The following GORAB variants were observed in gnomAD, a reference collection of about 807,000 sequenced individuals.
GORAB encodes golgin, RAB6 interacting, also known as RAB6-interacting golgin.
GORAB carries 17 observed loss-of-function variants against 29.9 expected under a neutral mutation model. The observed-to-expected ratio is 0.57, with a 90% CI of 0.39 to 0.85. The LOEUF (loss-of-function observed/expected upper bound fraction) is 0.85. Ranked by LOEUF, GORAB falls within the 40% of genes least tolerant of loss-of-function variation. The probability of loss-of-function intolerance (pLI) is 0.00; values close to 1 mark genes in which losing one functional copy is unlikely to be tolerated. For synonymous variants in GORAB, 183 were observed against 157.2 expected (o/e 1.16, Z -1.23); for missense variants, 442 against 437.8 (o/e 1.01, Z -0.09).
In GORAB at chr1:170,553,538, T is replaced by A. The variant is rs1487178979; in HGVS notation, c.*1076T>A. 1 of 431,426 alleles carries A rather than the reference T, an allele frequency of 2.3e-6. No homozygotes were observed. The highest frequency in any genetic ancestry group is 4.5e-6 in the Non-Finnish European group (1 of 221,156). The allele number at this position is 431,426 out of a possible 1,614,324, so 26.7% of individuals were successfully genotyped here. ...GACTTTTTTTTTTTAAAAAAAGAAT[T>A]ATTATCAGAGAACATAAGCACAAGT... On this transcript the variant is annotated 3_prime_UTR_variant, in exon 5 of 5. Coordinates refer to ENST00000367763, the MANE Select transcript of GORAB (RefSeq NM_152281.3).
At chr1:170,539,007 GT>G in intron 1 of GORAB, 1 of 622,438 alleles carries the variant, frequency 1.6e-6, no homozygotes, top group Non-Finnish European at 2.7e-6. Context: ...GGCAGTTTCT[GT>G]TAAATATTAA....
intron 1 of GORAB, 62 bp downstream of exon 1, chr1:170,532,346 A>G: frequency 6.4e-7 from 1 of 1,572,130 alleles, no homozygotes; most frequent in Non-Finnish European, 8.7e-7. Flanking sequence ...GCGGGGATGC[A>G]GCTTTGGCGG....
chr1:170,533,674 A>C, intron 1 of GORAB: 1 of 402,918 alleles, frequency 2.5e-6, no homozygotes, highest in Non-Finnish European at 5.2e-6. Flanking sequence ...TAATATAAAA[A>C]TCTAAATTAA....
In GORAB at chr1:170,539,398, A is replaced by G. The variant is rs780562193; in HGVS notation, c.250A>G (p.Thr84Ala). 11 of 1,613,390 alleles carry G rather than the reference A, an allele frequency of 6.8e-6. No individual in the cohort carries two copies. The highest frequency in any genetic ancestry group is 5.5e-5 in the South Asian group (5 of 91,046). Reference protein sequence around the residue: ...NVQKPPFSSPTLPSHFTLTSP... With the variant: ...NVQKPPFSSPALPSHFTLTSP... ...TCAAAAACCACCTTTTTCTTCCCCTACTCTTCCGAGTCATTTCACTCTCAC... is the reference window on the plus strand; with the variant it reads ...TCAAAAACCACCTTTTTCTTCCCCTGCTCTTCCGAGTCATTTCACTCTCAC... Residue 84 changes from threonine (T) to alanine (A), a missense_variant, in exon 2 of 5, where the codon ACT (threonine) becomes GCT (alanine). Thr to Ala is a moderately conservative substitution (Grantham distance 58). Coordinates refer to ENST00000367763, the MANE Select transcript of GORAB (RefSeq NM_152281.3).
At chr1:170,532,424 A>G in intron 1 of GORAB, 140 bp downstream of exon 1, 10 of 901,066 alleles carry the variant, frequency 1.1e-5, no homozygotes, top group Non-Finnish European at 1.8e-5. Context: ...GGACTGGATT[A>G]GGGGGTTTCA....
At chr1:170,545,826 T>G in intron 4 of GORAB, 3 of 768,160 alleles carry the variant, frequency 3.9e-6, no homozygotes, top group Non-Finnish European at 4.7e-6. Flanking sequence ...TTGTAATTGT[T>G]GTTGGACCAT....
chr1:170,546,896 G>A (rs1488803995), intron 4 of GORAB, among the ~76,000 whole-genome samples: 3 of 152,058 alleles, frequency 2.0e-5, no homozygotes, highest in Non-Finnish European at 4.4e-5. Context: ...TGTTGGCCAG[G>A]CTGGTCTCCA....
intron 1 of GORAB, among the ~76,000 whole-genome samples, chr1:170,533,066 A>G (rs1187234593): frequency 6.6e-6 from 1 of 152,190 alleles, no homozygotes; most frequent in African/African-American, 2.4e-5. Flanking sequence ...GAAATTTCGC[A>G]GTGATCTGTA....
chr1:170,552,087 A>G lies in GORAB; in HGVS notation c.735A>G (p.Lys245=). The G allele has an allele frequency of 6.2e-7, 1 of 1,614,102 alleles. No homozygotes were observed. The change falls in exon 5 of 5, where the codon AAA becomes AAG. Residue 245 remains lysine (K), a synonymous_variant. Transcript: ENST00000367763. ...KLDIQRKTEI[K]EQLTEHLCTI... ...ATATACAGCGCAAGACTGAGATAAA[A>G]GAGCAACTCACTGAACACCTTTGTA...
rs1650263941 is a variant in GORAB, at chr1:170,553,536, ATTATT to A, written c.*1075_*1079del. 4.6e-6 allele frequency: 2 copies of A among 431,498 alleles called. No homozygotes were observed. Among genetic ancestry groups the A allele is most frequent in the South Asian group, 3.4e-5 (2 of 58,206 alleles). The allele number at this position is 431,498 out of a possible 1,614,324, so 26.7% of individuals were successfully genotyped here. ...AGGACTTTTTTTTTTTAAAAAAAGAATTATTATCAGAGAACATAAGCACAAGTATA... is the reference window on the plus strand; with the variant it reads ...AGGACTTTTTTTTTTTAAAAAAAGAAATCAGAGAACATAAGCACAAGTATA... On this transcript the variant is annotated 3_prime_UTR_variant, in exon 5 of 5. Transcript: ENST00000367763.
intron 3 of GORAB, among the ~76,000 whole-genome samples, chr1:170,542,837 C>G (rs1264807938): frequency 1.8e-4 from 28 of 151,784 alleles, no homozygotes; most frequent in Admixed American, 1.8e-3. Context: ...TAAAGACCTT[C>G]ATTAGTGCTC....
At position 170,532,196 on chromosome 1, in the gene GORAB, C is replaced by T. The variant is rs553663341; in HGVS notation, c.-28C>T. ...CAGTCGCGGCTGCGAGATTTGGGCA[C>T]TTTTGGGGGTGCCGGTGGCCCGGGC... On this transcript the variant is annotated 5_prime_UTR_variant, in exon 1 of 5. Transcript: ENST00000367763. 3 of 1,613,888 alleles carry T rather than the reference C, an allele frequency of 1.9e-6. No individual in the cohort carries two copies. The highest frequency in any genetic ancestry group is 1.1e-5 in the South Asian group (1 of 91,060).
intron 2 of GORAB, among the ~76,000 whole-genome samples, chr1:170,540,942 C>T (rs978907304): frequency 6.6e-6 from 1 of 152,118 alleles, no homozygotes; most frequent in African/African-American, 2.4e-5. Context: ...GTGGCCCACA[C>T]CTATAATCCC....
chr1:170,542,430 G>T, intron 2 of GORAB, 61 bp from the exon 3 acceptor site: 1 of 952,922 alleles, frequency 1.0e-6, no homozygotes, highest in Non-Finnish European at 1.7e-6. Flanking sequence ...TAAGGTGTTG[G>T]ATAGGGTAGC....
At chr1:170,538,252 T>C (rs1325659453) in intron 1 of GORAB, among the ~76,000 whole-genome samples, 1 of 152,220 alleles carries the variant, frequency 6.6e-6, no homozygotes, top group Non-Finnish European at 1.5e-5. Flanking sequence ...TCTAGAGCTT[T>C]TAACTATACT....
Position 170,553,136 on chromosome 1 carries a change from TTTTA to T in GORAB, c.*677_*680del, listed in dbSNP as rs1226078354. 2.3e-6 allele frequency: 1 copy of T among 438,258 alleles called. No homozygotes were observed. Among genetic ancestry groups the T allele is most frequent in the Non-Finnish European group, 4.5e-6 (1 of 221,212 alleles). 27.1% of individuals were successfully genotyped at this position (438,258 alleles called of 1,614,324 possible). On this transcript the variant is annotated 3_prime_UTR_variant, in exon 5 of 5. Coordinates refer to ENST00000367763, the MANE Select transcript of GORAB (RefSeq NM_152281.3). ...TATATAAACACATGTAATTTTACTA[TTTTA>T]TTGTCTTTCCTTTAATCGATGAATT...
chr1:170,545,633 A>G, intron 4 of GORAB: 2 of 985,398 alleles, frequency 2.0e-6, no homozygotes, highest in African/African-American at 1.7e-5. Flanking sequence ...TGCTGTGTTA[A>G]TGACTCAGTT....
intron 4 of GORAB, 40 bp from the exon 5 acceptor site, chr1:170,551,975 T>C: frequency 6.4e-7 from 1 of 1,555,798 alleles, no homozygotes; most frequent in Non-Finnish European, 8.8e-7. Context: ...TCTTCTTCAA[T>C]GGAAAACTGA....
chr1:170,533,850 C>A (rs1460924604), intron 1 of GORAB, among the ~76,000 whole-genome samples: 1 of 152,090 alleles, frequency 6.6e-6, no homozygotes, highest in Non-Finnish European at 1.5e-5. Context: ...CTTGTATACC[C>A]GTAGCTAAAC....
Sources: allele counts gnomAD v4.1 joint callset (sites outside exome capture counted in the v4.1 genomes callset), GRCh38; gene constraint gnomAD v4.1.1; transcripts MANE v1.5; gene names NCBI Gene and HGNC (gene_info 2026-07-23, HGNC 2026-07-21).